RIMS2: variants seen among roughly 807,000 people sequenced by gnomAD.
The protein encoded by RIMS2 is regulating synaptic membrane exocytosis protein 2.
RIMS2 carries 59 observed loss-of-function variants against 174.4 expected under a neutral mutation model. That is an observed-to-expected ratio of 0.34 (90% confidence interval 0.27 to 0.42). The LOEUF is 0.42. Among genes scored for constraint, RIMS2 ranks in the 10% least tolerant of loss-of-function variants. RIMS2 has a pLI of 1.00. For synonymous variants in RIMS2, 606 were observed against 572.5 expected, an observed-to-expected ratio of 1.06 and a Z score of -0.84; for missense variants, 1,620 against 1,666.3, an observed-to-expected ratio of 0.97 and a Z score of 0.48.
chr8:104,110,990 T>G (rs1224603319), intron 19 of RIMS2, among the ~76,000 whole-genome samples: 4 of 152,196 alleles, frequency 2.6e-5, no homozygotes, highest in Admixed American at 2.6e-4. Context: ...GCCTCTATTC[T>G]TTCAGTAAAA....
At chr8:103,758,767 G>T (rs147276781) in intron 2 of RIMS2, among the ~76,000 whole-genome samples, 5 of 152,140 alleles carry the variant, frequency 3.3e-5, no homozygotes, top group African/African-American at 7.2e-5. Context: ...CAGAAGAAAG[G>T]TTAAAAGTTT....
intron 1 of RIMS2, among the ~76,000 whole-genome samples, chr8:103,622,362 C>T (rs915545555): frequency 3.3e-5 from 5 of 151,926 alleles, no homozygotes; most frequent in African/African-American, 1.2e-4. Flanking sequence ...GGAAGATTAC[C>T]TCTAAGTGTT....
intron 1 of RIMS2, among the ~76,000 whole-genome samples, chr8:103,676,881 G>A (rs372198825): frequency 6.6e-6 from 1 of 152,184 alleles, no homozygotes; most frequent in East Asian, 1.9e-4. Flanking sequence ...TTACTCAGGA[G>A]CCTGAGGCAG....
At chr8:103,637,372 T>G (rs1218473593) in intron 1 of RIMS2, among the ~76,000 whole-genome samples, 1 of 152,264 alleles carries the variant, frequency 6.6e-6, no homozygotes, top group Non-Finnish European at 1.5e-5. Flanking sequence ...TTCTTGAATT[T>G]ACTTTTTCTA....
At chr8:103,596,717 A>T (rs1481946060) in intron 1 of RIMS2, among the ~76,000 whole-genome samples, 1 of 152,030 alleles carries the variant, frequency 6.6e-6, no homozygotes, top group Admixed American at 6.6e-5. Context: ...ATTCTAAAAA[A>T]TTACAATTTG....
intron 1 of RIMS2, among the ~76,000 whole-genome samples, chr8:103,556,524 G>A (rs1850530172): frequency 6.6e-6 from 1 of 152,076 alleles, no homozygotes; most frequent in Non-Finnish European, 1.5e-5. Flanking sequence ...TAAGTTAGGT[G>A]ACATTCAGAG....
chr8:103,891,961 T>G (rs2099248791), intron 4 of RIMS2, among the ~76,000 whole-genome samples: 1 of 151,970 alleles, frequency 6.6e-6, no homozygotes. Flanking sequence ...GTAAGTATCA[T>G]TAGTGAAATT....
At chr8:103,518,937 A>G (rs1030515804) in intron 1 of RIMS2, among the ~76,000 whole-genome samples, 2 of 152,130 alleles carry the variant, frequency 1.3e-5, no homozygotes, top group Non-Finnish European at 2.9e-5. Context: ...TAAATAATTA[A>G]TTTTATGGCT....
At chr8:104,104,045 A>C (rs1263848670) in intron 19 of RIMS2, among the ~76,000 whole-genome samples, 1 of 152,236 alleles carries the variant, frequency 6.6e-6, no homozygotes, top group Non-Finnish European at 1.5e-5. Context: ...GATCAGAAAC[A>C]TAGCTGGATA....
At position 104,008,389 on chromosome 8, in the gene RIMS2, TTTTG is replaced by T. The variant is rs2095655757; in HGVS notation, c.3045-5049_3045-5046del. ...GGTAAATATTCCTGCTTATTTGTGG[TTTTG>T]TTTCTGTTATTTTTTAAATAAAAAT... On this transcript the variant is annotated intron_variant, in intron 17 of 23. Transcript: ENST00000504942. 2.6e-5 allele frequency among the ~76,000 whole-genome samples: 4 copies of T among 151,912 alleles called. No individual in the cohort carries two copies. In the South Asian group the frequency reaches 8.3e-4, roughly 31 times the overall value.
At chr8:104,109,068 C>T (rs930523267) in intron 19 of RIMS2, among the ~76,000 whole-genome samples, 37 of 151,858 alleles carry the variant, frequency 2.4e-4, no homozygotes, top group Admixed American at 2.0e-3. Context: ...GAGGCCGAGG[C>T]GGACAGATCA....
chr8:103,683,724 T>C (rs978444969), intron 1 of RIMS2, among the ~76,000 whole-genome samples: 2 of 152,154 alleles, frequency 1.3e-5, no homozygotes, highest in East Asian at 1.9e-4. Flanking sequence ...GGTACAAATA[T>C]GTGTCAAATT....
chr8:103,620,861 C>T (rs2388725), intron 1 of RIMS2, among the ~76,000 whole-genome samples: 9,898 of 152,120 alleles, frequency 0.065, 401 homozygotes, highest in South Asian at 0.088. Context: ...AAAAAATTGT[C>T]CTTTTAAGTA....
intron 19 of RIMS2, among the ~76,000 whole-genome samples, chr8:104,132,561 C>G (rs1416169543): frequency 1.3e-5 from 2 of 152,048 alleles, no homozygotes; most frequent in African/African-American, 4.8e-5. Flanking sequence ...GGAATGAAAG[C>G]AAAAATGTTG....
chr8:104,054,618 T>G (rs2096839628), intron 19 of RIMS2, among the ~76,000 whole-genome samples: 2 of 152,080 alleles, frequency 1.3e-5, no homozygotes, highest in South Asian at 4.1e-4. Context: ...ATAACCCAAG[T>G]GTATAATCAT....
chr8:103,688,792 CTTT>C (rs958882517), intron 1 of RIMS2, among the ~76,000 whole-genome samples: 4 of 151,858 alleles, frequency 2.6e-5, no homozygotes, highest in African/African-American at 9.7e-5. Context: ...TTGATTTTAT[CTTT>C]TTAAGAAAAC....
chr8:103,584,583 G>A (rs950654946), intron 1 of RIMS2, among the ~76,000 whole-genome samples: 1 of 152,058 alleles, frequency 6.6e-6, no homozygotes, highest in Non-Finnish European at 1.5e-5. Flanking sequence ...ATTTAAAATG[G>A]GGGAGGATGA....
chr8:103,619,817 C>T, intron 1 of RIMS2, among the ~76,000 whole-genome samples: 1 of 152,068 alleles, frequency 6.6e-6, no homozygotes, highest in East Asian at 1.9e-4. Flanking sequence ...GGCTACTCTA[C>T]TTTTATAACA....
intron 2 of RIMS2, among the ~76,000 whole-genome samples, chr8:103,722,670 G>T (rs1450817378): frequency 6.6e-6 from 1 of 152,152 alleles, no homozygotes; most frequent in Non-Finnish European, 1.5e-5. Flanking sequence ...CTGCTGTGAA[G>T]CCCAGTTCCT....
Sources: allele counts gnomAD v4.1 joint callset (sites outside exome capture counted in the v4.1 genomes callset), GRCh38; gene constraint gnomAD v4.1.1; transcripts MANE v1.5; gene names NCBI Gene and HGNC (gene_info 2026-07-23, HGNC 2026-07-21).